MEG3: variants seen among roughly 807,000 people sequenced by gnomAD.
The protein encoded by MEG3 is maternally expressed 3, also known as Very putative protein from MEG3 locus.
intron 2 of MEG3, among the ~76,000 whole-genome samples, chr14:100,838,531 T>A (rs2037657524): frequency 6.6e-6 from 1 of 152,238 alleles, no homozygotes; most frequent in South Asian, 2.1e-4. Flanking sequence ...AGGAAAATTC[T>A]ATTTTGATGG....
At chr14:100,827,994 A>T (rs545191033) in intron 1 of MEG3, among the ~76,000 whole-genome samples, 1 of 152,250 alleles carries the variant, frequency 6.6e-6, no homozygotes, top group African/African-American at 2.4e-5. Flanking sequence ...CTGGGGGCGC[A>T]GGAGGCGCCT....
At chr14:100,859,773 G>A (rs975817817) in exon 1 of MEG3, 5 of 152,168 alleles carry the variant, frequency 3.3e-5, no homozygotes, top group Admixed American at 1.3e-4. Context: ...CCTGAGCCTC[G>A]ATTTTCCCAC....
chr14:100,852,076 C>T (rs1414317250), intron 3 of MEG3: 3 of 307,606 alleles, frequency 9.8e-6, no homozygotes, highest in African/African-American at 4.5e-5. Flanking sequence ...GCAGGGAGCA[C>T]GTGGGAGGCA....
chr14:100,843,646 G>T (rs2037825053), intron 2 of MEG3, among the ~76,000 whole-genome samples: 1 of 152,128 alleles, frequency 6.6e-6, no homozygotes, highest in Admixed American at 6.5e-5. Context: ...CAGTGCCCTG[G>T]CCGGGTCTTG....
intron 3 of MEG3, chr14:100,849,657 G>T (rs576841356): frequency 6.6e-6 from 1 of 152,224 alleles, no homozygotes; most frequent in Admixed American, 6.5e-5. Context: ...GAACGAATAC[G>T]TGGGTGTATC....
At chr14:100,826,671 G>T (rs781046026) in intron 1 of MEG3, among the ~76,000 whole-genome samples, 1 of 152,184 alleles carries the variant, frequency 6.6e-6, no homozygotes, top group Non-Finnish European at 1.5e-5. Context: ...GAATAGAAGG[G>T]TCTCCCGGGC....
exon 2 of MEG3, chr14:100,860,777 A>G: frequency 2.2e-6 from 1 of 452,066 alleles, no homozygotes; most frequent in South Asian, 1.6e-5. Flanking sequence ...CCCCTTGAGT[A>G]GAGACCCGCC....
At chr14:100,832,184 C>T (rs1419914875), downstream of MEG3, 1 of 152,038 alleles carries the variant, frequency 6.6e-6, no homozygotes, top group Non-Finnish European at 1.5e-5. Context: ...AAGACGGTTT[C>T]CCCTTACGTT....
intron 2 of MEG3, chr14:100,836,423 C>G (rs1210646707): frequency 4.7e-6 from 2 of 427,392 alleles, no homozygotes; most frequent in East Asian, 7.1e-5. Context: ...GGTGAATTCT[C>G]TTCACATCAG....
At chr14:100,834,372 C>G (rs1405039569) in exon 1 of MEG3, 2 of 261,726 alleles carry the variant, frequency 7.6e-6, no homozygotes, top group Non-Finnish European at 1.5e-5. Flanking sequence ...AAGAAATCAG[C>G]TGGCCCCCGG....
rs56363527 is a variant in MEG3, at chr14:100,845,392, C to T, written n.3046-66C>T. 0.31 allele frequency: 121,362 copies of T among 392,790 alleles called. 18,719 individuals carry two copies. The highest frequency in any genetic ancestry group is 0.34 in the Non-Finnish European group (67,579 of 198,834). 24.3% of individuals were successfully genotyped at this position (392,790 alleles called of 1,614,324 possible). On this transcript the variant is annotated intron_variant and non_coding_transcript_variant, in intron 2 of 3. Transcript: ENST00000398461. This position sits in a 1 kb window ranked among gnomAD's most constrained non-coding sequence, Gnocchi z 5.2. ...GCCCCCCAGAGCTGTTGTCCTCATC[C>T]GCCCTCCTCCTCCTCGCCGGCCTGA...
rs1427212154 is a variant in MEG3, at chr14:100,837,631, A to G, written n.3045+1331A>G. On this transcript the variant is annotated intron_variant and non_coding_transcript_variant, in intron 2 of 3. Transcript: ENST00000398461. This position sits in a 1 kb window ranked among gnomAD's most constrained non-coding sequence, Gnocchi z 5.8. Reference sequence around the variant, plus strand: ...CAGCCTCTAGTCCTCAGCCATGTGCACGCATCAGCCCTTGTGCAGGCCTCC... The same window carrying G: ...CAGCCTCTAGTCCTCAGCCATGTGCGCGCATCAGCCCTTGTGCAGGCCTCC... Among the ~76,000 whole-genome samples the G allele has an allele frequency of 1.3e-5, 2 of 152,048 alleles. No individual in the cohort carries two copies.
At chr14:100,844,874 A>C (rs1952897467) in intron 2 of MEG3, among the ~76,000 whole-genome samples, 1 of 152,186 alleles carries the variant, frequency 6.6e-6, no homozygotes, top group African/African-American at 2.4e-5. Context: ...GACACTGAAG[A>C]CTCGATGTGC....
downstream of MEG3, chr14:100,833,936 C>T (rs1884540): frequency 0.25 from 37,703 of 152,136 alleles, 4,858 homozygotes; most frequent in Admixed American, 0.32. Context: ...GAATTAGAAT[C>T]GGATACTGTT....
intron 2 of MEG3, among the ~76,000 whole-genome samples, chr14:100,843,290 G>A (rs1351483393): frequency 6.6e-6 from 1 of 152,194 alleles, no homozygotes; most frequent in Non-Finnish European, 1.5e-5. Flanking sequence ...TGATTCCTGC[G>A]GGAAATGGCA....
chr14:100,846,192 A>ATG (rs1207809071), intron 3 of MEG3: 4 of 152,204 alleles, frequency 2.6e-5, no homozygotes, highest in African/African-American at 9.7e-5. Context: ...AATGAACTCC[A>ATG]TGTCCGTCGT....
At chr14:100,842,620 C>T (rs943961393) in intron 2 of MEG3, among the ~76,000 whole-genome samples, 5 of 152,148 alleles carry the variant, frequency 3.3e-5, no homozygotes, top group East Asian at 1.9e-4. Context: ...TGTGTAACGA[C>T]GGGCTCTATT....
intron 2 of MEG3, among the ~76,000 whole-genome samples, chr14:100,840,894 C>T (rs1053365531): frequency 6.6e-6 from 1 of 152,218 alleles, no homozygotes; most frequent in Non-Finnish European, 1.5e-5. Flanking sequence ...CCGGCCTCCG[C>T]GCTCACAGCT....
intron 1 of MEG3, among the ~76,000 whole-genome samples, chr14:100,828,009 C>T (rs2037290952): frequency 6.6e-6 from 1 of 152,098 alleles, no homozygotes; most frequent in Non-Finnish European, 1.5e-5. Context: ...GCGCCTGGTG[C>T]GGGCGGGAGG....
Sources: gnomAD v4.1 joint callset for allele counts (sites outside exome capture counted in the v4.1 genomes callset) on GRCh38, gnomAD v4.1.1 for gene constraint, Gnocchi (gnomAD v3.1) non-coding constraint, MANE v1.5 for transcripts, NCBI Gene and HGNC (gene_info 2026-07-23, HGNC 2026-07-21) for gene names.